Variants in AUTS2 observed in about 807,000 individuals in gnomAD.
AUTS2 encodes the protein autism susceptibility gene 2 protein.
A neutral mutation model predicts 112.4 loss-of-function variants in AUTS2; 17 were observed. The ratio of observed to expected loss-of-function variants is 0.15; its 90% CI spans 0.10 to 0.23. The LOEUF is 0.23. Ranked by LOEUF, AUTS2 falls within the 10% of genes least tolerant of loss-of-function variation. The pLI is 1.00. For missense variants in AUTS2, 1,510 were observed against 1,701.6 expected, an observed-to-expected ratio of 0.89 and a Z score of 1.98; for synonymous variants, 751 against 702.7, an observed-to-expected ratio of 1.07 and a Z score of -1.09.
In AUTS2 at chr7:70,362,508, A is replaced by G. The variant is rs146134878; in HGVS notation, c.661-73244A>G. Reference sequence around the variant, plus strand: ...CCCGGGAAAGTGAAACATTCCTTGCAGTCTTATAAAATAAGTATGTTCGTT... The same window carrying G: ...CCCGGGAAAGTGAAACATTCCTTGCGGTCTTATAAAATAAGTATGTTCGTT... On this transcript the variant is annotated intron_variant, in intron 4 of 18. Coordinates refer to ENST00000342771, the MANE Select transcript of AUTS2 (RefSeq NM_015570.4). Among the ~76,000 whole-genome samples the G allele has an allele frequency of 2.8e-3, 431 of 152,248 alleles. 1 individual carries two copies. Among genetic ancestry groups the G allele is most frequent in the African/African-American group, 9.9e-3 (411 of 41,540 alleles).
intron 1 of AUTS2, among the ~76,000 whole-genome samples, chr7:69,888,540 G>GATATATATATATATAT (rs60804022): frequency 1.1e-3 from 106 of 99,184 alleles, no homozygotes; most frequent in African/African-American, 1.7e-3. Context: ...CAACATTGGG[G>GATATATATATATATAT]ATATATATAT....
chr7:70,364,038 T>G (rs566125549), intron 4 of AUTS2, among the ~76,000 whole-genome samples: 42 of 152,296 alleles, frequency 2.8e-4, no homozygotes, highest in Non-Finnish European at 4.9e-4. Context: ...TGGGATCTAT[T>G]TTAGTGATTA....
At position 70,151,893 on chromosome 7, in the gene AUTS2, A is replaced by G. The variant is rs918908208; in HGVS notation, c.660+17322A>G. ...CAGGAGAATAAGACCCATAATGAAG[A>G]GGAAATCAGTCAATCAGAACTGAAT... On this transcript the variant is annotated intron_variant, in intron 4 of 18. Coordinates refer to ENST00000342771, the MANE Select transcript of AUTS2 (RefSeq NM_015570.4). Among the ~76,000 whole-genome samples, 83 of 152,238 alleles carry G rather than the reference A, an allele frequency of 5.5e-4. 1 individual carries two copies. The highest frequency in any genetic ancestry group is 2.0e-4 in the Admixed American group (3 of 15,278).
chr7:70,297,131 T>G (rs916840454), intron 4 of AUTS2, among the ~76,000 whole-genome samples: 23 of 151,802 alleles, frequency 1.5e-4, no homozygotes, highest in Non-Finnish European at 7.4e-5. Context: ...ATTACAGATG[T>G]AAGCTGCTAT....
intron 4 of AUTS2, among the ~76,000 whole-genome samples, chr7:70,385,261 C>T (rs964272395): frequency 5.9e-5 from 9 of 152,146 alleles, no homozygotes; most frequent in Non-Finnish European, 1.2e-4. Flanking sequence ...TCATGGGAGA[C>T]ACAGAAGGAC....
chr7:69,846,239 T>C (rs1411610631), intron 1 of AUTS2, among the ~76,000 whole-genome samples: 1 of 152,196 alleles, frequency 6.6e-6, no homozygotes, highest in Non-Finnish European at 1.5e-5. Flanking sequence ...CACTCTATGA[T>C]TATTCTGGAC....
At chr7:70,703,354 G>A (rs1809560533) in intron 6 of AUTS2, among the ~76,000 whole-genome samples, 1 of 152,018 alleles carries the variant, frequency 6.6e-6, no homozygotes, top group Admixed American at 6.6e-5. Flanking sequence ...AACCTAGCTG[G>A]GGTTGGTAGC....
At chr7:70,179,483 C>T (rs1255506873) in intron 4 of AUTS2, among the ~76,000 whole-genome samples, 1 of 152,166 alleles carries the variant, frequency 6.6e-6, no homozygotes, top group Non-Finnish European at 1.5e-5. Context: ...ACTTGGCAGA[C>T]TGGAGAGACT....
At chr7:70,406,510 C>T (rs1026952473) in intron 4 of AUTS2, among the ~76,000 whole-genome samples, 2 of 152,176 alleles carry the variant, frequency 1.3e-5, no homozygotes, top group Non-Finnish European at 2.9e-5. Flanking sequence ...TGTTGGGCCC[C>T]GCCGGTTACA....
intron 6 of AUTS2, among the ~76,000 whole-genome samples, chr7:70,731,015 A>G (rs1286894372): frequency 6.6e-6 from 1 of 152,186 alleles, no homozygotes; most frequent in East Asian, 1.9e-4. Flanking sequence ...GCATCTTTTC[A>G]TGTGCTTATG....
intron 4 of AUTS2, among the ~76,000 whole-genome samples, chr7:70,147,211 C>T (rs1000322924): frequency 2.0e-5 from 3 of 149,564 alleles, no homozygotes; most frequent in Non-Finnish European, 3.0e-5. Flanking sequence ...CCCATCTAGG[C>T]AATATCTCTT....
At chr7:70,050,202 C>G (rs187090279) in intron 2 of AUTS2, among the ~76,000 whole-genome samples, 2 of 151,202 alleles carry the variant, frequency 1.3e-5, no homozygotes, top group East Asian at 4.0e-4. Flanking sequence ...ACTAAAAATA[C>G]AAAAATTAGC....
chr7:70,020,550 G>A (rs1330302206), intron 2 of AUTS2, among the ~76,000 whole-genome samples: 1 of 152,060 alleles, frequency 6.6e-6, no homozygotes, highest in Non-Finnish European at 1.5e-5. Flanking sequence ...AGAGTCCAAA[G>A]GCATCTTACC....
chr7:70,384,360 G>A lies in AUTS2; in HGVS notation c.661-51392G>A, dbSNP rs80181174. On this transcript the variant is annotated intron_variant, in intron 4 of 18. Coordinates refer to ENST00000342771, the MANE Select transcript of AUTS2 (RefSeq NM_015570.4). The stretch of plus-strand genomic sequence containing the variant: ...GCCCATTATGCCAGCATAAATCCAT[G>A]GTAACCTGTTCAAAGGGCTGCAACC... 2.3e-3 allele frequency among the ~76,000 whole-genome samples: 345 copies of A among 152,316 alleles called. 18 individuals carry two copies. The East Asian group carries it at 0.063, about 28-fold the overall frequency.
At chr7:70,141,282 G>A (rs558755710) in intron 4 of AUTS2, among the ~76,000 whole-genome samples, 37 of 152,296 alleles carry the variant, frequency 2.4e-4, no homozygotes, top group African/African-American at 8.4e-4. Flanking sequence ...AGCCAGGGAG[G>A]TAGTCGGGTG....
intron 4 of AUTS2, among the ~76,000 whole-genome samples, chr7:70,163,141 C>T (rs1207426619): frequency 1.3e-5 from 2 of 151,506 alleles, no homozygotes; most frequent in East Asian, 1.9e-4. Context: ...TCATGGCTGC[C>T]AGCTATGAGG....
intron 4 of AUTS2, among the ~76,000 whole-genome samples, chr7:70,433,894 A>G (rs1230925461): frequency 6.6e-6 from 1 of 152,246 alleles, no homozygotes; most frequent in African/African-American, 2.4e-5. Flanking sequence ...TTCCCATTAA[A>G]AGCTCTCTAA....
chr7:70,610,547 C>A (rs574150012), intron 5 of AUTS2, among the ~76,000 whole-genome samples: 3 of 150,320 alleles, frequency 2.0e-5, no homozygotes, highest in South Asian at 2.1e-4. Context: ...GCTTTCCCCC[C>A]ACTTCAGCCA....
At chr7:70,349,657 C>CT (rs752494407) in intron 4 of AUTS2, among the ~76,000 whole-genome samples, 166 of 144,650 alleles carry the variant, frequency 1.1e-3, no homozygotes, top group South Asian at 1.3e-3. Flanking sequence ...GTTTTCCAGG[C>CT]TTTTTTTTTT....
Sources: allele counts gnomAD v4.1 joint callset (sites outside exome capture counted in the v4.1 genomes callset), GRCh38; gene constraint gnomAD v4.1.1; transcripts MANE v1.5; gene names NCBI Gene and HGNC (gene_info 2026-07-23, HGNC 2026-07-21).